Variants in NCOA7 observed in about 807,000 individuals in gnomAD.
The protein encoded by NCOA7 is nuclear receptor coactivator 7.
Under a neutral mutation model 104.3 loss-of-function variants are expected in NCOA7, and 45 were observed. The ratio of observed to expected loss-of-function variants is 0.43; its 90% CI spans 0.34 to 0.55. NCOA7 has a LOEUF of 0.55. Among genes scored for constraint, NCOA7 ranks in the 20% least tolerant of loss-of-function variants. The pLI is 0.02. For synonymous variants in NCOA7, 398 were observed against 402.3 expected, an observed-to-expected ratio of 0.99 and a Z score of 0.13; for missense variants, 1,041 against 1,119.7, an observed-to-expected ratio of 0.93 and a Z score of 1.00.
At chr6:125,921,147 T>G (rs754068559) in intron 12 of NCOA7, 79 bp downstream of exon 12, 77 of 1,536,450 alleles carry the variant, frequency 5.0e-5, no homozygotes, top group Non-Finnish European at 6.8e-5. Context: ...CAGTGGCTCA[T>G]GCCTGTAATC....
At chr6:125,903,590 C>CT (rs1274269032) in intron 10 of NCOA7, among the ~76,000 whole-genome samples, 9 of 152,234 alleles carry the variant, frequency 5.9e-5, no homozygotes, top group African/African-American at 1.9e-4. Flanking sequence ...CTACTGTTTA[C>CT]TTAATGGTTG....
At chr6:125,849,622 G>A (rs113837381) in intron 2 of NCOA7, among the ~76,000 whole-genome samples, 13,799 of 152,030 alleles carry the variant, frequency 0.091, 668 homozygotes, top group Middle Eastern at 0.13. Flanking sequence ...ATCATAAAAC[G>A]TAGTCCAGGC....
intron 2 of NCOA7, among the ~76,000 whole-genome samples, chr6:125,822,613 G>A (rs1778289617): frequency 6.6e-6 from 1 of 152,120 alleles, no homozygotes; most frequent in African/African-American, 2.4e-5. Context: ...AAGTATTAGT[G>A]TCTACTTTGT....
In NCOA7 at chr6:125,872,908, C is replaced by T. The variant is rs118033325; in HGVS notation, c.272-1981C>T. On this transcript the variant is annotated intron_variant, in intron 3 of 15. Transcript: ENST00000392477. ...TAGTCTAGAGGAATGTTCAGGGTCT[C>T]TTTGGCTCTGTGAATGGTTCTGATT... 2.5e-4 allele frequency among the ~76,000 whole-genome samples: 38 copies of T among 152,312 alleles called. No homozygotes were observed. In the East Asian group the frequency reaches 6.0e-3, roughly 24 times the overall value.
intron 1 of NCOA7, among the ~76,000 whole-genome samples, chr6:125,803,599 A>G (rs1776127305): frequency 6.6e-6 from 1 of 152,236 alleles, no homozygotes; most frequent in Admixed American, 6.5e-5. Context: ...TTGCATTTTT[A>G]CAGGTATGAA....
intron 2 of NCOA7, among the ~76,000 whole-genome samples, chr6:125,826,003 A>G (rs1257689333): frequency 2.0e-5 from 3 of 152,210 alleles, no homozygotes; most frequent in African/African-American, 7.2e-5. Context: ...GCTCACATGT[A>G]TTCATATTTA....
chr6:125,818,418 C>T (rs933583069), intron 2 of NCOA7, among the ~76,000 whole-genome samples: 19 of 152,130 alleles, frequency 1.2e-4, no homozygotes, highest in African/African-American at 4.6e-4. Flanking sequence ...AAACAAAAAA[C>T]GTATCCTAAA....
Position 125,932,009 on chromosome 6 carries a change from A to G in NCOA7, c.*3238A>G, listed in dbSNP as rs569783000. ...CCCAGCCATGTGAAACTGTGAGTCC[A>G]TTAAACCTCTTTTCTTTATAAATAA... On this transcript the variant is annotated 3_prime_UTR_variant, in exon 16 of 16. Coordinates refer to ENST00000392477, the MANE Select transcript of NCOA7 (RefSeq NM_181782.5). 1.1e-4 allele frequency: 17 copies of G among 152,356 alleles called. No individual in the cohort carries two copies. The highest frequency in any genetic ancestry group is 3.8e-4 in the African/African-American group (16 of 41,580). The allele number at this position is 152,356 out of a possible 1,614,324, so 9.4% of individuals were successfully genotyped here.
chr6:125,783,605 T>A (rs1251115984), intron 1 of NCOA7, among the ~76,000 whole-genome samples: 1 of 152,202 alleles, frequency 6.6e-6, no homozygotes, highest in Non-Finnish European at 1.5e-5. Flanking sequence ...AAAACCTAAA[T>A]CGTCCCAAAT....
intron 1 of NCOA7, among the ~76,000 whole-genome samples, chr6:125,783,416 C>T (rs995354587): frequency 7.2e-5 from 11 of 152,128 alleles, no homozygotes; most frequent in Non-Finnish European, 1.5e-4. Context: ...TCAATTATTG[C>T]TATAGTGATG....
intron 3 of NCOA7, among the ~76,000 whole-genome samples, chr6:125,866,490 T>C (rs1301316731): frequency 2.6e-5 from 4 of 152,234 alleles, no homozygotes; most frequent in African/African-American, 9.6e-5. Context: ...GAACCCTTAC[T>C]GTGCACATTG....
chr6:125,828,243 A>C (rs1778831118), intron 2 of NCOA7, among the ~76,000 whole-genome samples: 1 of 152,260 alleles, frequency 6.6e-6, no homozygotes, highest in South Asian at 2.1e-4. Flanking sequence ...AGATAGAATC[A>C]CTGCAGCTGA....
At chr6:125,859,874 A>G (rs1406396445) in intron 3 of NCOA7, among the ~76,000 whole-genome samples, 1 of 152,216 alleles carries the variant, frequency 6.6e-6, no homozygotes, top group Admixed American at 6.5e-5. Flanking sequence ...GGAAAACACA[A>G]CAGTTCAGAT....
chr6:125,819,750 G>C (rs984067640), intron 2 of NCOA7, among the ~76,000 whole-genome samples: 2 of 152,070 alleles, frequency 1.3e-5, no homozygotes, highest in African/African-American at 2.4e-5. Context: ...CCTTCCCCTT[G>C]TAGTTAGAAT....
At chr6:125,876,628 G>A (rs1011697462) in intron 4 of NCOA7, among the ~76,000 whole-genome samples, 10 of 150,424 alleles carry the variant, frequency 6.6e-5, no homozygotes, top group South Asian at 2.1e-4. Flanking sequence ...ATCAAACTCC[G>A]AATTAATTAA....
At chr6:125,876,132 A>G (rs1783354495) in intron 4 of NCOA7, among the ~76,000 whole-genome samples, 1 of 152,194 alleles carries the variant, frequency 6.6e-6, no homozygotes, top group South Asian at 2.1e-4. Flanking sequence ...TTTTATAGTC[A>G]TTATTTGTAA....
intron 1 of NCOA7, among the ~76,000 whole-genome samples, chr6:125,796,048 A>G (rs529650117): frequency 1.6e-3 from 241 of 152,098 alleles, no homozygotes; most frequent in African/African-American, 5.5e-3. Context: ...TCCAATTTTC[A>G]TGAGCAAGCC....
chr6:125,918,011 A>C (rs1282095615), intron 11 of NCOA7, among the ~76,000 whole-genome samples: 1 of 152,178 alleles, frequency 6.6e-6, no homozygotes, highest in Non-Finnish European at 1.5e-5. Context: ...CGACTTGTGA[A>C]AATAAGCTGT....
chr6:125,833,217 C>T (rs960060047), intron 2 of NCOA7, among the ~76,000 whole-genome samples: 8 of 151,974 alleles, frequency 5.3e-5, no homozygotes, highest in African/African-American at 1.7e-4. Flanking sequence ...AAAGTGGAAA[C>T]CAGGACAGAT....
Sources: gnomAD v4.1 joint callset for allele counts (sites outside exome capture counted in the v4.1 genomes callset) on GRCh38, gnomAD v4.1.1 for gene constraint, MANE v1.5 for transcripts, NCBI Gene and HGNC (gene_info 2026-07-23, HGNC 2026-07-21) for gene names.